Variants in CDC42BPA observed in about 807,000 individuals in gnomAD.
CDC42BPA encodes the protein serine/threonine-protein kinase MRCK alpha.
CDC42BPA carries 80 observed loss-of-function variants against 223.5 expected under a neutral mutation model. That is an observed-to-expected ratio of 0.36 (90% CI 0.30 to 0.43). The LOEUF is 0.43. Ranked by LOEUF, CDC42BPA falls within the 20% of genes least tolerant of loss-of-function variation. CDC42BPA has a pLI of 1.00. For missense variants in CDC42BPA, 1,743 were observed against 2,099.9 expected (o/e 0.83, Z 3.32); for synonymous variants, 694 against 718.6 (o/e 0.97, Z 0.55).
intron 34 of CDC42BPA, among the ~76,000 whole-genome samples, chr1:227,011,538 GTT>G (rs1665209604): frequency 6.6e-6 from 1 of 152,096 alleles, no homozygotes; most frequent in African/African-American, 2.4e-5. Context: ...TAATGTGTTT[GTT>G]TTTACTGATT....
intron 1 of CDC42BPA, among the ~76,000 whole-genome samples, chr1:227,313,131 C>T (rs1214412738): frequency 3.3e-5 from 5 of 151,846 alleles, no homozygotes; most frequent in African/African-American, 4.8e-5. Context: ...ATAATACAAC[C>T]CTGTCTCTAA....
At chr1:227,298,906 T>G (rs1353280367) in intron 1 of CDC42BPA, among the ~76,000 whole-genome samples, 1 of 152,176 alleles carries the variant, frequency 6.6e-6, no homozygotes, top group East Asian at 1.9e-4. Flanking sequence ...ATCTATAACT[T>G]CACCTCAATA....
In CDC42BPA at chr1:227,016,986, A is replaced by G. The variant is rs1666405360; in HGVS notation, c.4680T>C (p.Ile1560=). 1 of 1,613,594 alleles carries G rather than the reference A, an allele frequency of 6.2e-7. No homozygotes were observed. The highest frequency in any genetic ancestry group is 8.5e-7 in the Non-Finnish European group (1 of 1,179,682). ...TGAAGGAATAACGCCGCTTATTGTT[A>G]ATGTTTCTAACCATTTGTTTCCGAC... ...DNSRKQMVRN[I]NNKRRYSFRV... The change falls in exon 33 of 37, where the codon ATT becomes ATC. Residue 1560 remains isoleucine, a synonymous_variant. Coordinates refer to ENST00000366766, the MANE Select transcript of CDC42BPA (RefSeq NM_001394014.1).
intron 32 of CDC42BPA, among the ~76,000 whole-genome samples, chr1:227,021,805 G>A (rs1667419533): frequency 1.3e-5 from 2 of 152,096 alleles, no homozygotes; most frequent in Non-Finnish European, 2.9e-5. Context: ...GGGACACGAG[G>A]TCAGGAGATG....
intron 6 of CDC42BPA, among the ~76,000 whole-genome samples, chr1:227,150,148 TG>T (rs1328963135): frequency 6.7e-6 from 1 of 148,772 alleles, no homozygotes; most frequent in Non-Finnish European, 1.5e-5. Flanking sequence ...TGCTTGAGCC[TG>T]GGAAGTTGAG....
rs199505902 is a variant in CDC42BPA at position 227,060,038 on chromosome 1, T to TTG, written c.2905-8054_2905-8053insCA. Among the ~76,000 whole-genome samples, 1,007 of 145,046 alleles carry TTG rather than the reference T, an allele frequency of 6.9e-3. 12 individuals are homozygous for TTG. Among genetic ancestry groups the TTG allele is most frequent in the East Asian group, 9.2e-3 (46 of 4,988 alleles). ...TCAAAAAGTTTTTTTTTGTTTTTTT[T>TTG]TTTTTTTTTTGAGACGGGAGTCTCG... On this transcript the variant is annotated intron_variant, in intron 21 of 36. Coordinates refer to ENST00000366766, the MANE Select transcript of CDC42BPA (RefSeq NM_001394014.1).
At chr1:227,212,775 T>C (rs1674157311) in intron 3 of CDC42BPA, among the ~76,000 whole-genome samples, 1 of 152,214 alleles carries the variant, frequency 6.6e-6, no homozygotes, top group Admixed American at 6.5e-5. Flanking sequence ...GACTTTTGCT[T>C]GTAGCAGAAT....
chr1:227,217,140 T>A (rs1313348305), intron 2 of CDC42BPA, among the ~76,000 whole-genome samples: 2 of 152,036 alleles, frequency 1.3e-5, no homozygotes, highest in Non-Finnish European at 2.9e-5. Flanking sequence ...ATTCACCATA[T>A]CTCCTCTGTT....
chr1:227,155,287 C>T (rs1172821045), intron 6 of CDC42BPA, among the ~76,000 whole-genome samples: 1 of 152,156 alleles, frequency 6.6e-6, no homozygotes, highest in African/African-American at 2.4e-5. Flanking sequence ...TAAAAGACAA[C>T]ATAATGCCTT....
intron 5 of CDC42BPA, among the ~76,000 whole-genome samples, chr1:227,171,909 G>A (rs1666175248): frequency 6.6e-6 from 1 of 152,072 alleles, no homozygotes; most frequent in Non-Finnish European, 1.5e-5. Flanking sequence ...ACTAATTTAA[G>A]ACAGGCATTT....
chr1:227,249,202 A>C (rs1681530339), intron 2 of CDC42BPA, among the ~76,000 whole-genome samples: 1 of 152,220 alleles, frequency 6.6e-6, no homozygotes, highest in Non-Finnish European at 1.5e-5. Context: ...TCTTCAATAA[A>C]TGGTGCTGGG....
At chr1:227,018,629 C>G (rs1390585552) in intron 32 of CDC42BPA, among the ~76,000 whole-genome samples, 1 of 152,018 alleles carries the variant, frequency 6.6e-6, no homozygotes, top group Non-Finnish European at 1.5e-5. Context: ...TGGAGCCAAT[C>G]TTATACAAAT....
At chr1:227,050,912 G>A (rs535567019) in intron 22 of CDC42BPA, among the ~76,000 whole-genome samples, 57 of 152,190 alleles carry the variant, frequency 3.7e-4, no homozygotes, top group South Asian at 1.2e-3. Flanking sequence ...CAAAATTTTC[G>A]TATCTGTTTA....
At chr1:227,310,186 C>A (rs1363874539) in intron 1 of CDC42BPA, among the ~76,000 whole-genome samples, 1 of 152,210 alleles carries the variant, frequency 6.6e-6, no homozygotes, top group African/African-American at 2.4e-5. Flanking sequence ...AAGCCTATTC[C>A]ATAGTCAGAT....
intron 1 of CDC42BPA, among the ~76,000 whole-genome samples, chr1:227,299,259 T>G (rs1301936071): frequency 6.6e-6 from 1 of 152,186 alleles, no homozygotes; most frequent in Non-Finnish European, 1.5e-5. Context: ...AAACTGAATT[T>G]AATTGTCTGT....
At chr1:227,253,924 ACAAT>A (rs1024390322) in intron 2 of CDC42BPA, 136 bp downstream of exon 2, 41 of 671,278 alleles carry the variant, frequency 6.1e-5, no homozygotes, top group African/African-American at 1.9e-4. Context: ...TCACAACAGC[ACAAT>A]CAATCACATC....
chr1:227,086,090 A>G (rs1167281601), intron 16 of CDC42BPA, among the ~76,000 whole-genome samples: 1 of 151,610 alleles, frequency 6.6e-6, no homozygotes, highest in East Asian at 1.9e-4. Context: ...CAGAATATGC[A>G]GTCTTTTGTA....
chr1:227,047,876 A>T lies in CDC42BPA; in HGVS notation c.3093+51T>A, dbSNP rs780274537. 3 of 1,075,396 alleles carry T rather than the reference A, an allele frequency of 2.8e-6. No homozygotes were observed. In the South Asian group the frequency reaches 4.0e-5, roughly 14 times the overall value. 66.6% of individuals were successfully genotyped at this position (1,075,396 alleles called of 1,614,324 possible). ...AAATCACAGCAAATGCATAGAGCAG[A>T]TAAAATTCATTTTTTTTGGAACACA... is the stretch of plus-strand genomic sequence containing the variant. On this transcript the variant is annotated intron_variant, in intron 23 of 36. Transcript: ENST00000366766.
intron 2 of CDC42BPA, among the ~76,000 whole-genome samples, chr1:227,216,108 C>G (rs767355320): frequency 1.4e-5 from 2 of 145,164 alleles, no homozygotes; most frequent in Non-Finnish European, 3.0e-5. Flanking sequence ...TACACTGTGA[C>G]TTTTTCTCTC....
Sources: allele counts gnomAD v4.1 joint callset (sites outside exome capture counted in the v4.1 genomes callset), GRCh38; gene constraint gnomAD v4.1.1; transcripts MANE v1.5; gene names NCBI Gene and HGNC (gene_info 2026-07-23, HGNC 2026-07-21).